CACNA2D1: variants seen among roughly 807,000 people sequenced by gnomAD.
The protein encoded by CACNA2D1 is voltage-dependent calcium channel subunit alpha-2/delta-1.
CACNA2D1 carries 53 observed loss-of-function variants against 171.5 expected under a neutral mutation model. That is an observed-to-expected ratio of 0.31 (90% CI 0.25 to 0.39). The LOEUF (loss-of-function observed/expected upper bound fraction) is 0.39. CACNA2D1 is among the 10% of genes least tolerant of loss of function. CACNA2D1 has a pLI of 1.00. For missense variants in CACNA2D1, 903 were observed against 1,299.8 expected, an observed-to-expected ratio of 0.69 and a Z score of 4.69; for synonymous variants, 442 against 443.1, an observed-to-expected ratio of 1.00 and a Z score of 0.03.
At chr7:82,015,730 TTGAA>T (rs566058598) in intron 12 of CACNA2D1, among the ~76,000 whole-genome samples, 3 of 152,198 alleles carry the variant, frequency 2.0e-5, no homozygotes, top group Non-Finnish European at 4.4e-5. Context: ...GACTGACTAT[TTGAA>T]TGGACATTTT....
Position 82,417,257 on chromosome 7 carries a change from A to G in CACNA2D1, c.95+26108T>C, listed in dbSNP as rs139363357. Among the ~76,000 whole-genome samples the G allele has an allele frequency of 4.5e-3, 683 of 152,330 alleles. 3 individuals are homozygous for G. Among genetic ancestry groups the G allele is most frequent in the African/African-American group, 0.015 (642 of 41,562 alleles). On this transcript the variant is annotated intron_variant, in intron 1 of 38. Transcript: ENST00000356860. Reference sequence around the variant, plus strand: ...ACAGTTTTGAGAGTGAAAGGGCACTATTAACAATTAGGCTAGACTACAGGC... The same window carrying G: ...ACAGTTTTGAGAGTGAAAGGGCACTGTTAACAATTAGGCTAGACTACAGGC...
chr7:82,384,119 A>G (rs1009318122), intron 1 of CACNA2D1, among the ~76,000 whole-genome samples: 2 of 152,220 alleles, frequency 1.3e-5, no homozygotes, highest in Non-Finnish European at 2.9e-5. Context: ...ATCACATTTC[A>G]TCTGACTAAA....
chr7:81,978,055 T>TAG (rs1229647872), intron 24 of CACNA2D1, among the ~76,000 whole-genome samples: 1 of 152,144 alleles, frequency 6.6e-6, no homozygotes, highest in Non-Finnish European at 1.5e-5. Flanking sequence ...TCATGCCAGT[T>TAG]AGAATGGCGA....
intron 3 of CACNA2D1, among the ~76,000 whole-genome samples, chr7:82,279,855 T>G (rs1481545762): frequency 5.9e-5 from 9 of 152,178 alleles, no homozygotes. Flanking sequence ...TGTAATTAGA[T>G]TGTGTCTTAC....
intron 5 of CACNA2D1, among the ~76,000 whole-genome samples, chr7:82,128,153 C>T (rs1348605549): frequency 2.0e-5 from 3 of 150,868 alleles, no homozygotes; most frequent in Non-Finnish European, 2.9e-5. Flanking sequence ...TGGTCTTAAA[C>T]TCCTGGGCTC....
In CACNA2D1 at chr7:82,024,563, G is replaced by T. The variant is rs1391826377; in HGVS notation, c.1143+8234C>A. On this transcript the variant is annotated intron_variant, in intron 12 of 38. Transcript: ENST00000356860. Reference sequence around the variant, plus strand: ...TATACTAACCCCTTATCAAATATATGGCTTGTAAATATTTTCCCAATTCCA... The same window carrying T: ...TATACTAACCCCTTATCAAATATATTGCTTGTAAATATTTTCCCAATTCCA... Among the ~76,000 whole-genome samples the T allele has an allele frequency of 2.0e-5, 3 of 151,562 alleles. No individual in the cohort carries two copies. In the East Asian group the frequency reaches 5.8e-4, roughly 29 times the overall value.
chr7:82,341,486 ATTAT>A (rs906006913), intron 2 of CACNA2D1, among the ~76,000 whole-genome samples: 4 of 152,206 alleles, frequency 2.6e-5, no homozygotes, highest in Non-Finnish European at 5.9e-5. Flanking sequence ...TGCCATAAAA[ATTAT>A]TTAATCATTT....
In CACNA2D1 at chr7:82,323,115, A is replaced by G. The variant is rs368117996; in HGVS notation, c.294+12020T>C. The stretch of plus-strand genomic sequence containing the variant: ...ATTGTCTTTGAATTTATGGGATACC[A>G]TGAAGTTCTCTTTAAAGATTCCATT... On this transcript the variant is annotated intron_variant, in intron 3 of 38. Coordinates refer to ENST00000356860, the MANE Select transcript of CACNA2D1 (RefSeq NM_000722.4). Among the ~76,000 whole-genome samples the G allele has an allele frequency of 1.7e-4, 26 of 152,330 alleles. No individual in the cohort carries two copies. In the South Asian group the frequency reaches 4.3e-3, roughly 25 times the overall value.
chr7:82,004,344 G>C (rs976823678), intron 18 of CACNA2D1, among the ~76,000 whole-genome samples: 1 of 151,922 alleles, frequency 6.6e-6, no homozygotes, highest in African/African-American at 2.4e-5. Context: ...GTGATCAACA[G>C]CTACACGTGC....
chr7:82,053,209 G>A (rs138180705), intron 10 of CACNA2D1, among the ~76,000 whole-genome samples: 6,486 of 137,016 alleles, frequency 0.047, 491 homozygotes, highest in African/African-American at 0.16. Context: ...CCGAGATGGC[G>A]CCACTGCACT....
At chr7:82,260,433 G>C (rs1371624114) in intron 3 of CACNA2D1, among the ~76,000 whole-genome samples, 4 of 152,116 alleles carry the variant, frequency 2.6e-5, no homozygotes, top group African/African-American at 9.7e-5. Context: ...GGGAACTAAA[G>C]ATTTCCTTGA....
At chr7:82,304,760 C>T (rs1813501110) in intron 3 of CACNA2D1, among the ~76,000 whole-genome samples, 2 of 151,900 alleles carry the variant, frequency 1.3e-5, no homozygotes, top group African/African-American at 4.8e-5. Flanking sequence ...TTAATGGGCA[C>T]AAACACACAA....
intron 38 of CACNA2D1, among the ~76,000 whole-genome samples, chr7:81,955,905 TGG>T (rs59823054): frequency 4.3e-4 from 23 of 53,946 alleles, no homozygotes; most frequent in East Asian, 1.5e-3. Flanking sequence ...GTTATTTTGG[TGG>T]GGGGGGGGGG....
chr7:82,103,737 G>A (rs1179878284), intron 6 of CACNA2D1, among the ~76,000 whole-genome samples: 1 of 151,994 alleles, frequency 6.6e-6, no homozygotes, highest in Non-Finnish European at 1.5e-5. Flanking sequence ...TCCTTTCTGA[G>A]AAAACTAAAA....
At chr7:82,314,214 G>T (rs1441631552) in intron 3 of CACNA2D1, among the ~76,000 whole-genome samples, 1 of 152,048 alleles carries the variant, frequency 6.6e-6, no homozygotes, top group Non-Finnish European at 1.5e-5. Flanking sequence ...TTCTGTATTT[G>T]CTATACTGGC....
intron 38 of CACNA2D1, among the ~76,000 whole-genome samples, chr7:81,954,510 GGCTAAAATCTTTTGAAGTTACTGTT>G: frequency 6.6e-6 from 1 of 151,994 alleles, no homozygotes; most frequent in Admixed American, 6.6e-5. Flanking sequence ...CGTTACCAGT[GGCTAAAATCTTTTGAAGTTACTGTT>G]GCTAAACTCT....
chr7:82,274,179 A>G (rs186883064), intron 3 of CACNA2D1, among the ~76,000 whole-genome samples: 1 of 152,100 alleles, frequency 6.6e-6, no homozygotes, highest in Non-Finnish European at 1.5e-5. Context: ...GCATTTTCAC[A>G]TCTTCTCATG....
At chr7:82,349,717 T>C in intron 1 of CACNA2D1, 68 bp from the exon 2 acceptor site, 11 of 1,170,196 alleles carry the variant, frequency 9.4e-6, no homozygotes, top group Non-Finnish European at 1.3e-5. Flanking sequence ...GCTGATATTT[T>C]ATATCCACGC....
intron 34 of CACNA2D1, 25 bp from the exon 35 acceptor site, chr7:81,962,520 AT>A (rs1006889894): frequency 7.6e-6 from 11 of 1,449,140 alleles, no homozygotes; most frequent in Admixed American, 1.9e-5. Flanking sequence ...TAAAAAAAAA[AT>A]AAACATCTAG....
Sources: gnomAD v4.1 joint callset for allele counts (sites outside exome capture counted in the v4.1 genomes callset) on GRCh38, gnomAD v4.1.1 for gene constraint, MANE v1.5 for transcripts, NCBI Gene and HGNC (gene_info 2026-07-23, HGNC 2026-07-21) for gene names.